Variants in CLINT1 observed in about 807,000 individuals in gnomAD.
CLINT1 encodes clathrin interactor 1.
CLINT1 carries 15 observed loss-of-function variants against 70.4 expected under a neutral mutation model. The ratio of observed to expected loss-of-function variants is 0.21; its 90% CI spans 0.14 to 0.33. CLINT1 has a LOEUF of 0.33. Ranked by LOEUF, CLINT1 falls within the 10% of genes least tolerant of loss-of-function variation. The pLI, the probability that CLINT1 is intolerant of heterozygous loss-of-function variation, is 1.00. For missense variants in CLINT1, 615 were observed against 778.1 expected, an observed-to-expected ratio of 0.79 and a Z score of 2.49; for synonymous variants, 227 against 254.7, an observed-to-expected ratio of 0.89 and a Z score of 1.04.
At chr5:157,803,289 C>T (rs1324223019) in intron 8 of CLINT1, among the ~76,000 whole-genome samples, 1 of 152,084 alleles carries the variant, frequency 6.6e-6, no homozygotes, top group Non-Finnish European at 1.5e-5. Flanking sequence ...CCTTGAAATA[C>T]TATTTATTAT....
rs1302846430 is a variant in CLINT1 at position 157,786,210 on chromosome 5, C to CT, written c.*1435dup. 2 of 152,068 alleles carry CT rather than the reference C, an allele frequency of 1.3e-5. No homozygotes were observed. The highest frequency in any genetic ancestry group is 2.9e-5 in the Non-Finnish European group (2 of 67,986). 9.4% of individuals were successfully genotyped at this position (152,068 alleles called of 1,614,324 possible). A position where few individuals can be genotyped will look rare whatever the true frequency, so the allele number is the denominator to read the frequency against. ...AATTTTAAATTATTTATAAAAATTA[C>CT]TTTGCCCAAACTATAATTATTTTTT... On this transcript the variant is annotated 3_prime_UTR_variant, in exon 12 of 12. Coordinates refer to ENST00000411809, the MANE Select transcript of CLINT1 (RefSeq NM_014666.4).
chr5:157,827,556 T>G (rs1466583605), intron 1 of CLINT1, among the ~76,000 whole-genome samples: 1 of 152,192 alleles, frequency 6.6e-6, no homozygotes, highest in Non-Finnish European at 1.5e-5. Context: ...CTATTAAACA[T>G]GACTTAAACT....
rs1762642884 is a variant in CLINT1, at chr5:157,814,192, G to A, written c.345C>T (p.His115=). 6.2e-7 allele frequency: 1 copy of A among 1,600,420 alleles called. No homozygotes were observed. Among genetic ancestry groups the A allele is most frequent in the Non-Finnish European group, 8.5e-7 (1 of 1,170,868 alleles). The change falls in exon 4 of 12, where the codon CAC becomes CAT. Residue 115 remains histidine (H), a synonymous_variant. Transcript: ENST00000411809. ...IYDLRSLENY[H]FVDEHGKDQG... ...GGTTTTTCTATTGCTTACCTACAAA[G>A]TGGTAATTTTCCAGGGATCGTAAAT...
At chr5:157,854,954 G>GA (rs1407047203) in intron 1 of CLINT1, among the ~76,000 whole-genome samples, 2 of 151,968 alleles carry the variant, frequency 1.3e-5, no homozygotes, top group Non-Finnish European at 2.9e-5. Flanking sequence ...GACCAGCCTG[G>GA]CCAACACAGC....
At chr5:157,839,296 C>T (rs1763535579) in intron 1 of CLINT1, among the ~76,000 whole-genome samples, 1 of 151,662 alleles carries the variant, frequency 6.6e-6, no homozygotes, top group Non-Finnish European at 1.5e-5. Flanking sequence ...ATCATCACCA[C>T]ACTTCCAAAG....
In CLINT1 at chr5:157,791,706, T is replaced by C. The variant is rs751102942; in HGVS notation, c.1377A>G (p.Ser459=). The change falls in exon 10 of 12, where the codon TCA becomes TCG. Residue 459 remains serine, a synonymous_variant. Coordinates refer to ENST00000411809, the MANE Select transcript of CLINT1 (RefSeq NM_014666.4). ...TVGLGLPMSR[S]QNTDMVQKSV... ...CCAAGGGAACCAGACAACTTACCTG[T>C]GATCTTGACATAGGCAAACCAAGTC... 8 of 1,607,808 alleles carry C rather than the reference T, an allele frequency of 5.0e-6. No homozygotes were observed. Among genetic ancestry groups the C allele is most frequent in the Non-Finnish European group, 6.8e-6 (8 of 1,176,550 alleles).
chr5:157,832,822 G>A (rs140076124), intron 1 of CLINT1, among the ~76,000 whole-genome samples: 271 of 152,018 alleles, frequency 1.8e-3, no homozygotes, highest in African/African-American at 6.0e-3. Context: ...TATTCCCTAG[G>A]TACCTCTCAA....
chr5:157,818,014 T>C (rs2113220499), intron 1 of CLINT1, among the ~76,000 whole-genome samples: 1 of 152,282 alleles, frequency 6.6e-6, no homozygotes, highest in Admixed American at 6.5e-5. Flanking sequence ...AAAGAATAAA[T>C]CAAAGATATC....
chr5:157,829,258 C>T (rs1463154745), intron 1 of CLINT1, among the ~76,000 whole-genome samples: 1 of 152,144 alleles, frequency 6.6e-6, no homozygotes, highest in African/African-American at 2.4e-5. Context: ...GGAATGACAG[C>T]CCCAACTCAA....
intron 5 of CLINT1, among the ~76,000 whole-genome samples, chr5:157,811,636 G>T (rs1449035684): frequency 6.6e-6 from 1 of 152,084 alleles, no homozygotes; most frequent in Non-Finnish European, 1.5e-5. Context: ...AAAAGGATGT[G>T]ATGCAAACAC....
chr5:157,820,514 G>A (rs1762848457), intron 1 of CLINT1, among the ~76,000 whole-genome samples: 1 of 152,124 alleles, frequency 6.6e-6, no homozygotes, highest in African/African-American at 2.4e-5. Flanking sequence ...AGAATTCCAA[G>A]ACAAAGTATT....
At position 157,791,799 on chromosome 5, in the gene CLINT1, G is replaced by A. The variant is rs767112691; in HGVS notation, c.1284C>T (p.Gly428=). 4 of 1,613,840 alleles carry A rather than the reference G, an allele frequency of 2.5e-6. No individual in the cohort carries two copies. The highest frequency in any genetic ancestry group is 3.4e-6 in the Non-Finnish European group (4 of 1,179,874). Residue 428 remains glycine (G), a synonymous_variant, in exon 10 of 12, where the codon GGC becomes GGT. Transcript: ENST00000411809. The part of the protein sequence containing the change: ...SNSSDLFDLM[G]SSQATMTSSQ... ...AAGATGTCATGGTTGCCTGGGACGA[G>A]CCCATAAGATCAAACAGGTCTGAAG...
At chr5:157,814,951 C>T (rs908856104) in intron 3 of CLINT1, among the ~76,000 whole-genome samples, 4 of 150,682 alleles carry the variant, frequency 2.7e-5, no homozygotes, top group Admixed American at 6.6e-5. Context: ...AAGAATCACT[C>T]GAACCCAGAA....
intron 1 of CLINT1, among the ~76,000 whole-genome samples, chr5:157,831,127 TTTC>T (rs1763230268): frequency 6.6e-6 from 1 of 151,976 alleles, no homozygotes; most frequent in African/African-American, 2.4e-5. Context: ...TTAGTTTTAA[TTTC>T]TTAATAACCC....
At chr5:157,853,699 C>T (rs2113340446) in intron 1 of CLINT1, among the ~76,000 whole-genome samples, 1 of 148,424 alleles carries the variant, frequency 6.7e-6, no homozygotes, top group Middle Eastern at 3.5e-3. Flanking sequence ...ATTGCTTGAA[C>T]CCAGGAGGCA....
chr5:157,820,856 C>T (rs1145586), intron 1 of CLINT1, among the ~76,000 whole-genome samples: 20,405 of 152,112 alleles, frequency 0.13, 1,802 homozygotes, highest in African/African-American at 0.25. Context: ...GCACTCTCAA[C>T]GGTTTCTTAA....
At chr5:157,850,782 CTTTTT>C (rs1166671637) in intron 1 of CLINT1, among the ~76,000 whole-genome samples, 2 of 151,434 alleles carry the variant, frequency 1.3e-5, no homozygotes, top group African/African-American at 4.9e-5. Context: ...TAGCATTGTT[CTTTTT>C]TTTAATATTA....
At chr5:157,844,998 A>G (rs1043119266) in intron 1 of CLINT1, among the ~76,000 whole-genome samples, 6 of 152,208 alleles carry the variant, frequency 3.9e-5, no homozygotes, top group Non-Finnish European at 8.8e-5. Flanking sequence ...AATTCCTTCT[A>G]TGATAGGTGC....
chr5:157,842,208 C>CA (rs1753211303), intron 1 of CLINT1, among the ~76,000 whole-genome samples: 1 of 152,126 alleles, frequency 6.6e-6, no homozygotes, highest in Non-Finnish European at 1.5e-5. Flanking sequence ...GTAAGTTATG[C>CA]AAATTTTATT....
Sources: gnomAD v4.1 joint callset for allele counts (sites outside exome capture counted in the v4.1 genomes callset) on GRCh38, gnomAD v4.1.1 for gene constraint, MANE v1.5 for transcripts, NCBI Gene and HGNC (gene_info 2026-07-23, HGNC 2026-07-21) for gene names.